The following CDKL4 variants were observed in gnomAD, a reference collection of about 807,000 sequenced individuals.
CDKL4 encodes the protein cyclin dependent kinase like 4, also known as cyclin-dependent kinase-like 4.
Under a neutral mutation model 42.0 loss-of-function variants are expected in CDKL4, and 44 were observed. The observed-to-expected ratio is 1.05, with a 90% CI of 0.82 to 1.35. CDKL4 has a LOEUF of 1.35. CDKL4 is among the 40% of genes most tolerant of loss of function. CDKL4 has a pLI of 0.00. For synonymous variants in CDKL4, 120 were observed against 121.6 expected, an observed-to-expected ratio of 0.99 and a Z score of 0.09; for missense variants, 393 against 369.9, an observed-to-expected ratio of 1.06 and a Z score of -0.51.
chr2:39,212,944 G>A (rs1187207220), intron 4 of CDKL4, among the ~76,000 whole-genome samples: 2 of 152,054 alleles, frequency 1.3e-5, no homozygotes, highest in Non-Finnish European at 2.9e-5. Context: ...TTACAGGCAT[G>A]AGCCACCATA....
chr2:39,229,314 C>T, intron 2 of CDKL4, 51 bp downstream of exon 2: 2 of 1,289,738 alleles, frequency 1.6e-6, no homozygotes, highest in Non-Finnish European at 2.1e-6. Flanking sequence ...TTTTAACATG[C>T]ATATTTCACT....
At chr2:39,194,241 G>A (rs1486939453) in intron 5 of CDKL4, among the ~76,000 whole-genome samples, 1 of 152,184 alleles carries the variant, frequency 6.6e-6, no homozygotes, top group Non-Finnish European at 1.5e-5. Flanking sequence ...AGGATCACTT[G>A]AGGCCAGAAG....
At chr2:39,242,861 G>T in intron 1 of CDKL4, among the ~76,000 whole-genome samples, 1 of 152,124 alleles carries the variant, frequency 6.6e-6, no homozygotes, top group South Asian at 2.1e-4. Context: ...ACTTTGGGAG[G>T]TTGAGGCGGG....
chr2:39,212,304 G>A (rs902584573), intron 4 of CDKL4, among the ~76,000 whole-genome samples: 6 of 151,586 alleles, frequency 4.0e-5, no homozygotes, highest in African/African-American at 1.5e-4. Context: ...CACGATCTCG[G>A]CTCACTGCAA....
chr2:39,195,355 G>A (rs1448576092), intron 5 of CDKL4, among the ~76,000 whole-genome samples: 1 of 152,132 alleles, frequency 6.6e-6, no homozygotes, highest in African/African-American at 2.4e-5. Flanking sequence ...GTGATTCTAT[G>A]TTTAATTTTT....
At chr2:39,235,182 T>C (rs1160931015) in intron 1 of CDKL4, among the ~76,000 whole-genome samples, 1 of 152,126 alleles carries the variant, frequency 6.6e-6, no homozygotes, top group Non-Finnish European at 1.5e-5. Context: ...CCAGCTGATA[T>C]TTTAAAACAT....
intron 2 of CDKL4, among the ~76,000 whole-genome samples, chr2:39,227,831 C>T (rs542324578): frequency 5.9e-5 from 9 of 152,272 alleles, no homozygotes; most frequent in East Asian, 1.9e-4. Flanking sequence ...CAATTTATAC[C>T]GCCTTTGCAA....
chr2:39,229,467 T>C (rs1293667042), exon 2 of CDKL4: 1 of 1,613,634 alleles, frequency 6.2e-7, no homozygotes, highest in South Asian at 1.1e-5. Flanking sequence ...AGGTTTTGTT[T>C]CTGCATTTGA....
At chr2:39,173,455 T>G (rs139101574), downstream of CDKL4, among the ~76,000 whole-genome samples, 1 of 152,084 alleles carries the variant, frequency 6.6e-6, no homozygotes, top group Non-Finnish European at 1.5e-5. Flanking sequence ...GGCAGGGAGA[T>G]TGCTTGAGCC....
At chr2:39,207,618 C>A (rs913442941) in intron 4 of CDKL4, among the ~76,000 whole-genome samples, 1 of 152,088 alleles carries the variant, frequency 6.6e-6, no homozygotes, top group African/African-American at 2.4e-5. Flanking sequence ...TGTCCATTGG[C>A]CTATACATAT....
chr2:39,232,014 T>C (rs1310080499), intron 1 of CDKL4, among the ~76,000 whole-genome samples: 1 of 152,250 alleles, frequency 6.6e-6, no homozygotes, highest in Admixed American at 6.5e-5. Context: ...AAACTATAAA[T>C]ATGACAAGAA....
intron 3 of CDKL4, among the ~76,000 whole-genome samples, chr2:39,224,064 A>G (rs1678543808): frequency 6.6e-6 from 1 of 152,288 alleles, no homozygotes; most frequent in South Asian, 2.1e-4. Context: ...TTGGATGTTA[A>G]CCTTTTAAAA....
the CDKL4 span, among the ~76,000 whole-genome samples, chr2:39,168,324 A>G: frequency 1.3e-5 from 2 of 152,256 alleles, no homozygotes; most frequent in South Asian, 4.1e-4. Context: ...CATATGGTCA[A>G]TGAGTAGTGT....
intron 5 of CDKL4, among the ~76,000 whole-genome samples, chr2:39,196,970 A>C (rs1220098483): frequency 2.6e-5 from 4 of 152,210 alleles, no homozygotes; most frequent in Non-Finnish European, 5.9e-5. Flanking sequence ...GATCCAAGCC[A>C]GGAGAAAAAT....
chr2:39,231,578 C>CGTGT (rs1298412297), intron 1 of CDKL4, among the ~76,000 whole-genome samples: 1 of 152,218 alleles, frequency 6.6e-6, no homozygotes, highest in East Asian at 1.9e-4. Flanking sequence ...CAAGCATACA[C>CGTGT]ACTCAAGTAA....
chr2:39,227,494 G>A (rs1678825025), intron 2 of CDKL4, among the ~76,000 whole-genome samples: 1 of 152,192 alleles, frequency 6.6e-6, no homozygotes, highest in Non-Finnish European at 1.5e-5. Flanking sequence ...TGCCCAGGCT[G>A]AGGCAGGAGG....
At chr2:39,234,681 G>A (rs1292721257) in intron 1 of CDKL4, among the ~76,000 whole-genome samples, 1 of 152,078 alleles carries the variant, frequency 6.6e-6, no homozygotes, top group Non-Finnish European at 1.5e-5. Flanking sequence ...AACAATCAAA[G>A]ATAAAGAGAA....
At chr2:39,238,009 A>G (rs1679459469) in intron 1 of CDKL4, among the ~76,000 whole-genome samples, 1 of 152,376 alleles carries the variant, frequency 6.6e-6, no homozygotes, top group Non-Finnish European at 1.5e-5. Flanking sequence ...ACTGAAGTGC[A>G]AGACCTGCAT....
chr2:39,190,259 G>A lies in CDKL4; in HGVS notation c.652+46C>T, dbSNP rs369019938. Reference sequence around the variant, plus strand: ...TTTTTTATTATAGTAACATATGAATGCTATAACAATTCAGCAACTCTGTTG... The same window carrying A: ...TTTTTTATTATAGTAACATATGAATACTATAACAATTCAGCAACTCTGTTG... On this transcript the variant is annotated intron_variant, in intron 6 of 9. Coordinates refer to ENST00000451199, the Ensembl canonical transcript of CDKL4. The A allele has an allele frequency of 6.1e-6, 8 of 1,319,662 alleles. No homozygotes were observed. In the African/African-American group the frequency reaches 1.0e-4, roughly 17 times the overall value. The allele number at this position is 1,319,662 out of a possible 1,614,324, so 81.7% of individuals were successfully genotyped here. A position where few individuals can be genotyped will look rare whatever the true frequency, so the allele number is the denominator to read the frequency against.
Sources: gnomAD v4.1 joint callset for allele counts (sites outside exome capture counted in the v4.1 genomes callset) on GRCh38, gnomAD v4.1.1 for gene constraint, MANE v1.5 for transcripts, NCBI Gene and HGNC (gene_info 2026-07-23, HGNC 2026-07-21) for gene names.